Variants in MALRD1 observed in about 807,000 individuals in gnomAD.
The protein encoded by MALRD1 is MAM and LDL-receptor class A domain-containing protein 1.
A neutral mutation model predicts 242.1 loss-of-function variants in MALRD1; 247 were observed. That is an observed-to-expected ratio of 1.02 (90% CI 0.92 to 1.13). The LOEUF (loss-of-function observed/expected upper bound fraction) is 1.13, where lower values mean the gene tolerates loss of function less well. MALRD1 is among the 50% of genes most tolerant of loss of function. The probability of loss-of-function intolerance (pLI) is 0.00; values close to 1 mark genes in which losing one functional copy is unlikely to be tolerated. For synonymous variants in MALRD1, 995 were observed against 866.6 expected, an observed-to-expected ratio of 1.15 and a Z score of -2.60; for missense variants, 2,989 against 2,533.1, an observed-to-expected ratio of 1.18 and a Z score of -3.86.
At position 19,530,418 on chromosome 10, in the gene MALRD1, A is replaced by ATT. The variant is rs1200557957; in HGVS notation, c.5321-776_5321-775insTT. The stretch of plus-strand genomic sequence containing the variant: ...TATAAATATTATATATTTATATAAT[A>ATT]ATAAATATATAATATATATAATATA... On this transcript the variant is annotated intron_variant, in intron 31 of 39. Transcript: ENST00000454679. Among the ~76,000 whole-genome samples the ATT allele has an allele frequency of 6.0e-5, 5 of 83,724 alleles. 1 individual carries two copies. Among genetic ancestry groups the ATT allele is most frequent in the African/African-American group, 1.9e-4 (3 of 15,826 alleles). 54.9% of individuals were successfully genotyped at this position (83,724 alleles called of 152,430 possible). A position where few individuals can be genotyped will look rare whatever the true frequency, so the allele number is the denominator to read the frequency against.
intron 2 of MALRD1, among the ~76,000 whole-genome samples, chr10:19,087,546 CTT>C (rs59368317): frequency 8.3e-4 from 120 of 143,964 alleles, no homozygotes; most frequent in Middle Eastern, 3.6e-3. Context: ...TGTCTCGTTT[CTT>C]TTTTTTTTTT....
chr10:19,253,927 C>G (rs999955654), intron 18 of MALRD1, among the ~76,000 whole-genome samples: 6 of 151,864 alleles, frequency 4.0e-5, no homozygotes, highest in Non-Finnish European at 5.9e-5. Flanking sequence ...GGGTGGTTTC[C>G]CCCATACTGT....
chr10:19,277,575 C>A (rs1360055651), intron 19 of MALRD1, among the ~76,000 whole-genome samples: 1 of 152,258 alleles, frequency 6.6e-6, no homozygotes, highest in African/African-American at 2.4e-5. Context: ...ATCTGGTCAA[C>A]TCTCCTTGCT....
chr10:19,327,748 TCA>T, intron 23 of MALRD1, 75 bp downstream of exon 23: 1 of 1,187,628 alleles, frequency 8.4e-7, no homozygotes, highest in East Asian at 2.6e-5. Flanking sequence ...CCTTCTCTAC[TCA>T]CAGTCTTCTT....
intron 2 of MALRD1, among the ~76,000 whole-genome samples, chr10:19,075,202 G>T (rs1267945924): frequency 6.6e-6 from 1 of 151,970 alleles, no homozygotes; most frequent in Non-Finnish European, 1.5e-5. Flanking sequence ...TCAAATTATT[G>T]TCTACCTAAT....
chr10:19,597,268 T>C (rs1399947031), intron 34 of MALRD1, among the ~76,000 whole-genome samples: 1 of 152,216 alleles, frequency 6.6e-6, no homozygotes, highest in African/African-American at 2.4e-5. Flanking sequence ...CTGATAGAAA[T>C]CATATTAAGT....
intron 32 of MALRD1, among the ~76,000 whole-genome samples, chr10:19,564,954 T>A (rs974428649): frequency 2.6e-5 from 4 of 152,154 alleles, no homozygotes; most frequent in Admixed American, 2.6e-4. Flanking sequence ...TAAGTAATAC[T>A]CCTAGTTTTC....
chr10:19,086,885 T>G (rs1835686375), intron 2 of MALRD1, among the ~76,000 whole-genome samples: 1 of 151,694 alleles, frequency 6.6e-6, no homozygotes, highest in Admixed American at 6.6e-5. Flanking sequence ...AGAGGGAGAG[T>G]TTTGTGTCTG....
intron 21 of MALRD1, among the ~76,000 whole-genome samples, chr10:19,291,957 G>A (rs745723536): frequency 4.6e-5 from 7 of 151,408 alleles, no homozygotes; most frequent in East Asian, 2.0e-4. Flanking sequence ...GTGGTGGTGC[G>A]TGCCTGTAAT....
intron 36 of MALRD1, among the ~76,000 whole-genome samples, chr10:19,642,053 A>G (rs1840410027): frequency 6.6e-6 from 1 of 152,224 alleles, no homozygotes; most frequent in African/African-American, 2.4e-5. Flanking sequence ...AAATATCTTC[A>G]AATGATACAT....
At chr10:19,209,930 C>G (rs1283410811) in intron 18 of MALRD1, among the ~76,000 whole-genome samples, 1 of 152,154 alleles carries the variant, frequency 6.6e-6, no homozygotes, top group Non-Finnish European at 1.5e-5. Context: ...CAGGTCCTTC[C>G]AATTTCAAGT....
chr10:19,363,811 A>G (rs10827322), intron 26 of MALRD1, among the ~76,000 whole-genome samples: 118,875 of 151,878 alleles, frequency 0.78, 47,093 homozygotes, highest in African/African-American at 0.9. Flanking sequence ...AGAATCATCA[A>G]TAATTTCTTT....
intron 12 of MALRD1, among the ~76,000 whole-genome samples, chr10:19,162,738 G>A (rs923551492): frequency 2.0e-5 from 3 of 152,004 alleles, no homozygotes; most frequent in East Asian, 1.9e-4. Context: ...TTCAACCATT[G>A]CAGAAAGCAG....
Position 19,607,914 on chromosome 10 carries a change from C to T in MALRD1, c.6070+12C>T, listed in dbSNP as rs1038629431. The T allele has an allele frequency of 4.1e-5, 63 of 1,548,736 alleles. No individual in the cohort carries two copies. The highest frequency in any genetic ancestry group is 3.7e-4 in the African/African-American group (27 of 72,914). ...GTCCAGCTGCTCCGGTACCCCATTT[C>T]CATTCAGATATTCTTGTGATATGAA... is the stretch of plus-strand genomic sequence containing the variant. On this transcript the variant is annotated intron_variant, in intron 35 of 39. Transcript: ENST00000454679.
chr10:19,570,794 A>G (rs1329382125), intron 33 of MALRD1, among the ~76,000 whole-genome samples: 1 of 152,062 alleles, frequency 6.6e-6, no homozygotes, highest in Non-Finnish European at 1.5e-5. Flanking sequence ...CTGTCTCTGA[A>G]AAATAGAAAT....
At chr10:19,223,723 A>C (rs539728343) in intron 18 of MALRD1, among the ~76,000 whole-genome samples, 111 of 152,068 alleles carry the variant, frequency 7.3e-4, no homozygotes, top group African/African-American at 2.2e-3. Context: ...GACAGGCCCC[A>C]GTGTGTGATG....
intron 19 of MALRD1, among the ~76,000 whole-genome samples, chr10:19,258,557 T>C (rs1429740204): frequency 6.6e-6 from 1 of 152,174 alleles, no homozygotes; most frequent in African/African-American, 2.4e-5. Context: ...CATTCATCCC[T>C]GCTCTATCAT....
intron 36 of MALRD1, among the ~76,000 whole-genome samples, chr10:19,651,419 C>T (rs987481811): frequency 6.6e-6 from 1 of 151,944 alleles, no homozygotes; most frequent in African/African-American, 2.4e-5. Context: ...TAAGGTAGGC[C>T]AATGCATCCT....
At chr10:19,501,038 A>G (rs1837943384) in intron 31 of MALRD1, among the ~76,000 whole-genome samples, 1 of 152,208 alleles carries the variant, frequency 6.6e-6, no homozygotes, top group Admixed American at 6.5e-5. Context: ...TGTGACAGCC[A>G]GTAGATAGGT....
Sources: gnomAD v4.1 joint callset for allele counts (sites outside exome capture counted in the v4.1 genomes callset) on GRCh38, gnomAD v4.1.1 for gene constraint, MANE v1.5 for transcripts, NCBI Gene and HGNC (gene_info 2026-07-23, HGNC 2026-07-21) for gene names.